RALGPS2: variants seen among roughly 807,000 people sequenced by gnomAD.
The protein encoded by RALGPS2 is ras-specific guanine nucleotide-releasing factor RalGPS2.
RALGPS2 carries 43 observed loss-of-function variants against 86.8 expected under a neutral mutation model. The observed-to-expected ratio is 0.50, with a 90% CI of 0.39 to 0.64. RALGPS2 has a LOEUF of 0.64. RALGPS2 is among the 30% of genes least tolerant of loss of function. The pLI is 0.00. For synonymous variants in RALGPS2, 243 were observed against 231.3 expected, an observed-to-expected ratio of 1.05 and a Z score of -0.46; for missense variants, 536 against 694.6, an observed-to-expected ratio of 0.77 and a Z score of 2.57.
At chr1:178,870,604 C>T (rs953123580) in intron 8 of RALGPS2, 1 of 151,954 alleles carries the variant, frequency 6.6e-6, no homozygotes, top group African/African-American at 2.4e-5. Context: ...AAGATAAAAC[C>T]TTTTTCAGAT....
At position 178,921,810 on chromosome 1, in the gene RALGPS2, T is replaced by G. The variant is rs1057018793; in HGVS notation, c.*5451T>G. 38 of 152,268 alleles carry G rather than the reference T, an allele frequency of 2.5e-4. No homozygotes were observed. Among genetic ancestry groups the G allele is most frequent in the African/African-American group, 9.1e-4 (38 of 41,584 alleles). 9.4% of individuals were successfully genotyped at this position (152,268 alleles called of 1,614,324 possible). A position where few individuals can be genotyped will look rare whatever the true frequency, so the allele number is the denominator to read the frequency against. On this transcript the variant is annotated 3_prime_UTR_variant, in exon 20 of 20. Coordinates refer to ENST00000367635, the MANE Select transcript of RALGPS2 (RefSeq NM_152663.5). Reference sequence around the variant, plus strand: ...TGAATTTAAGTACAGTTTTCTGAAATATTTCTATTGAAATAAATTACTTAA... The same window carrying G: ...TGAATTTAAGTACAGTTTTCTGAAAGATTTCTATTGAAATAAATTACTTAA...
chr1:178,868,081 T>A (rs1317959600), intron 8 of RALGPS2, among the ~76,000 whole-genome samples: 1 of 152,038 alleles, frequency 6.6e-6, no homozygotes, highest in Non-Finnish European at 1.5e-5. Context: ...CTTCTTTTGC[T>A]GACTGATAGC....
intron 7 of RALGPS2, among the ~76,000 whole-genome samples, chr1:178,822,165 G>A (rs925777175): frequency 6.6e-6 from 1 of 152,002 alleles, no homozygotes; most frequent in Non-Finnish European, 1.5e-5. Context: ...AAAACTAGAT[G>A]ATTAACATGG....
intron 12 of RALGPS2, 77 bp downstream of exon 12, chr1:178,885,288 A>G: frequency 7.2e-7 from 1 of 1,386,728 alleles, no homozygotes; most frequent in Non-Finnish European, 9.8e-7. Flanking sequence ...TTAGTTCAGT[A>G]GAAAATGGTA....
At chr1:178,807,467 C>T (rs1306014936) in intron 4 of RALGPS2, among the ~76,000 whole-genome samples, 1 of 152,158 alleles carries the variant, frequency 6.6e-6, no homozygotes, top group Non-Finnish European at 1.5e-5. Context: ...ACATGTGTTG[C>T]CAATGCCACT....
At chr1:178,820,168 G>A (rs538951527) in intron 6 of RALGPS2, among the ~76,000 whole-genome samples, 22 of 152,262 alleles carry the variant, frequency 1.4e-4, no homozygotes, top group Admixed American at 1.2e-3. Flanking sequence ...CATCAGGTTA[G>A]ATTTTCCCAC....
intron 19 of RALGPS2, among the ~76,000 whole-genome samples, chr1:178,915,671 G>A (rs1466504706): frequency 6.6e-6 from 1 of 152,178 alleles, no homozygotes; most frequent in African/African-American, 2.4e-5. Context: ...ACACTTGTAA[G>A]GTATTTATGT....
chr1:178,789,921 A>G (rs1487125655), intron 4 of RALGPS2, among the ~76,000 whole-genome samples: 3 of 152,140 alleles, frequency 2.0e-5, no homozygotes, highest in Non-Finnish European at 2.9e-5. Context: ...AACAGTAACT[A>G]TTGGAAGAAA....
At position 178,769,449 on chromosome 1, in the gene RALGPS2, A is replaced by T. The variant is rs117283435; in HGVS notation, c.-83-7233A>T. 1.5e-3 allele frequency among the ~76,000 whole-genome samples: 230 copies of T among 148,644 alleles called. 5 individuals are homozygous for T. In the East Asian group the frequency reaches 0.045, roughly 29 times the overall value. ...TTAGCCTGCTGATCCTTGGAAAGGG[A>T]TGCTCTGAATACCTGGAGATCTGCC... On this transcript the variant is annotated intron_variant, in intron 1 of 19. Coordinates refer to ENST00000367635, the MANE Select transcript of RALGPS2 (RefSeq NM_152663.5).
chr1:178,737,549 G>T (rs1023336044), intron 1 of RALGPS2, among the ~76,000 whole-genome samples: 4 of 151,898 alleles, frequency 2.6e-5, no homozygotes, highest in Non-Finnish European at 5.9e-5. Context: ...CCTGGCCAGC[G>T]CCACCTTTAA....
At chr1:178,771,364 G>A (rs1001072933) in intron 1 of RALGPS2, among the ~76,000 whole-genome samples, 3 of 152,118 alleles carry the variant, frequency 2.0e-5, no homozygotes, top group African/African-American at 4.8e-5. Flanking sequence ...TATATTTATC[G>A]AATGTTTCTC....
intron 8 of RALGPS2, among the ~76,000 whole-genome samples, chr1:178,877,003 A>AGGGTT (rs1453257751): frequency 6.6e-6 from 1 of 152,186 alleles, no homozygotes. Flanking sequence ...GAGTAAAAAC[A>AGGGTT]AATATTAAAT....
intron 1 of RALGPS2, among the ~76,000 whole-genome samples, chr1:178,752,346 G>C (rs201123715): frequency 6.7e-6 from 1 of 150,046 alleles, no homozygotes; most frequent in Non-Finnish European, 1.5e-5. Flanking sequence ...GATTGGTGGC[G>C]GGGGGGAGGG....
At chr1:178,824,658 A>G (rs1021228660) in intron 7 of RALGPS2, among the ~76,000 whole-genome samples, 1 of 151,978 alleles carries the variant, frequency 6.6e-6, no homozygotes, top group Non-Finnish European at 1.5e-5. Flanking sequence ...AATACAAAAA[A>G]ATTAGTCAGA....
intron 8 of RALGPS2, among the ~76,000 whole-genome samples, chr1:178,844,555 A>C (rs1023201558): frequency 6.6e-6 from 1 of 152,196 alleles, no homozygotes; most frequent in Non-Finnish European, 1.5e-5. Context: ...AGCTTGGACA[A>C]TATCGTGAAA....
At chr1:178,845,373 C>T (rs1022362870) in intron 8 of RALGPS2, among the ~76,000 whole-genome samples, 1 of 151,986 alleles carries the variant, frequency 6.6e-6, no homozygotes, top group South Asian at 2.1e-4. Context: ...AAGAGAAATA[C>T]TTTTCTTATA....
At chr1:178,827,976 A>G (rs1465880662) in intron 7 of RALGPS2, among the ~76,000 whole-genome samples, 1 of 152,200 alleles carries the variant, frequency 6.6e-6, no homozygotes, top group African/African-American at 2.4e-5. Flanking sequence ...AAATATACTT[A>G]GTACTTAAAC....
At chr1:178,744,647 CT>C (rs1572277510) in intron 1 of RALGPS2, among the ~76,000 whole-genome samples, 1 of 151,876 alleles carries the variant, frequency 6.6e-6, no homozygotes, top group African/African-American at 2.4e-5. Context: ...AACCCCGTCT[CT>C]ACTAATAATA....
intron 8 of RALGPS2, among the ~76,000 whole-genome samples, chr1:178,833,776 T>A (rs1180073027): frequency 6.6e-6 from 1 of 152,180 alleles, no homozygotes; most frequent in Non-Finnish European, 1.5e-5. Context: ...TAGACTATTA[T>A]GTTTTCTTAG....
Sources: gnomAD v4.1 joint callset for allele counts (sites outside exome capture counted in the v4.1 genomes callset) on GRCh38, gnomAD v4.1.1 for gene constraint, MANE v1.5 for transcripts, NCBI Gene and HGNC (gene_info 2026-07-23, HGNC 2026-07-21) for gene names.